The following PDE1A variants were observed in gnomAD, a reference collection of about 807,000 sequenced individuals.
The protein encoded by PDE1A is phosphodiesterase 1A.
In PDE1A, 35 loss-of-function variants were observed where a neutral mutation model predicts 61.7. The observed-to-expected ratio is 0.57, with a 90% CI of 0.43 to 0.75. The LOEUF is 0.75. Among genes scored for constraint, PDE1A ranks in the 30% least tolerant of loss-of-function variants. The probability of loss-of-function intolerance (pLI) is 0.00; values close to 1 mark genes in which losing one functional copy is unlikely to be tolerated. For missense variants in PDE1A, 597 were observed against 630.6 expected, an observed-to-expected ratio of 0.95 and a Z score of 0.57; for synonymous variants, 232 against 213.2, an observed-to-expected ratio of 1.09 and a Z score of -0.77.
At chr2:182,411,950 C>A (rs1245817742) in intron 1 of PDE1A, among the ~76,000 whole-genome samples, 2 of 151,472 alleles carry the variant, frequency 1.3e-5, no homozygotes, top group Admixed American at 1.3e-4. Context: ...CCCAGCTACT[C>A]GGGAGGCTGA....
At chr2:182,178,936 G>A (rs1213172712) in intron 13 of PDE1A, among the ~76,000 whole-genome samples, 1 of 152,062 alleles carries the variant, frequency 6.6e-6, no homozygotes, top group African/African-American at 2.4e-5. Flanking sequence ...AGAGGCCAGA[G>A]GTCAAGCAAG....
chr2:182,360,373 C>G (rs1032414630), intron 1 of PDE1A, among the ~76,000 whole-genome samples: 1 of 152,080 alleles, frequency 6.6e-6, no homozygotes. Context: ...CCCGTTTAAT[C>G]TAACTCAGTT....
At chr2:182,572,559 TA>T in the PDE1A span, among the ~76,000 whole-genome samples, 7 of 152,186 alleles carry the variant, frequency 4.6e-5, no homozygotes, top group Non-Finnish European at 7.3e-5. Flanking sequence ...AACCTCTTGC[TA>T]AACATTTATA....
rs1574850468 is a variant in PDE1A, at chr2:182,520,506, A to G, written c.101+1770T>C. 2.0e-5 allele frequency among the ~76,000 whole-genome samples: 3 copies of G among 152,102 alleles called. No individual in the cohort carries two copies. The South Asian group carries it at 6.2e-4, about 32-fold the overall frequency. The stretch of plus-strand genomic sequence containing the variant: ...TATATCCTTCTATCAATTCATGAAG[A>G]TCTACTGTTGGATGACTCTATCACC... On this transcript the variant is annotated intron_variant, in intron 2 of 14. Transcript: ENST00000410103.
At chr2:182,283,998 G>A (rs1693994730) in intron 1 of PDE1A, among the ~76,000 whole-genome samples, 1 of 152,056 alleles carries the variant, frequency 6.6e-6, no homozygotes, top group South Asian at 2.1e-4. Context: ...TAACAATCAA[G>A]TACATACCTT....
chr2:182,527,595 C>A (rs546702352), upstream of PDE1A, among the ~76,000 whole-genome samples: 8 of 151,036 alleles, frequency 5.3e-5, no homozygotes, highest in South Asian at 1.7e-3. Context: ...GAAGAAATTG[C>A]CCAAAATGTA....
At chr2:182,397,422 G>A (rs1309159687) in intron 1 of PDE1A, among the ~76,000 whole-genome samples, 1 of 151,978 alleles carries the variant, frequency 6.6e-6, no homozygotes, top group African/African-American at 2.4e-5. Context: ...TGATTTCAGA[G>A]ACATTACAAT....
chr2:182,157,845 T>A (rs182238519), intron 13 of PDE1A, among the ~76,000 whole-genome samples: 1 of 152,326 alleles, frequency 6.6e-6, no homozygotes, highest in African/African-American at 2.4e-5. Context: ...TTTTTCCATC[T>A]CATCTTTTAG....
At chr2:182,323,269 C>T (rs1205542623) in intron 1 of PDE1A, among the ~76,000 whole-genome samples, 1 of 152,138 alleles carries the variant, frequency 6.6e-6, no homozygotes, top group Admixed American at 6.5e-5. Flanking sequence ...ATTGTCAATG[C>T]TGTTCGATAT....
rs181408277 is a variant in PDE1A, at chr2:182,388,190, T to C, written c.53+38388A>G. Among the ~76,000 whole-genome samples, 4 of 152,244 alleles carry C rather than the reference T, an allele frequency of 2.6e-5. No homozygotes were observed. The East Asian group carries it at 7.7e-4, about 29-fold the overall frequency. On this transcript the variant is annotated intron_variant, in intron 1 of 13. Transcript: ENST00000351439. ...AGCACTTAAATATATATGAGAAATA[T>C]TAATAGATCTGAAGAGAGAGACACA... is the stretch of plus-strand genomic sequence containing the variant.
At chr2:182,271,785 A>T (rs536033597) in intron 1 of PDE1A, among the ~76,000 whole-genome samples, 2 of 152,306 alleles carry the variant, frequency 1.3e-5, no homozygotes, top group African/African-American at 4.8e-5. Context: ...TATGGTTTGC[A>T]TTAACTCCTG....
At chr2:182,558,971 A>C in the PDE1A span, among the ~76,000 whole-genome samples, 4 of 152,208 alleles carry the variant, frequency 2.6e-5, no homozygotes, top group Non-Finnish European at 4.4e-5. Flanking sequence ...TTCTTTGATC[A>C]TCGCTAATAT....
intron 3 of PDE1A, among the ~76,000 whole-genome samples, chr2:182,237,995 A>G (rs1425840389): frequency 1.3e-5 from 2 of 152,028 alleles, no homozygotes; most frequent in East Asian, 1.9e-4. Flanking sequence ...TAGGCTGGGC[A>G]CGGTGGCTCA....
intron 1 of PDE1A, among the ~76,000 whole-genome samples, chr2:182,288,778 G>T (rs1283999789): frequency 1.3e-5 from 2 of 151,954 alleles, no homozygotes; most frequent in Non-Finnish European, 2.9e-5. Flanking sequence ...CTCTGACTTT[G>T]CCACTTCATC....
At chr2:182,554,592 T>C in the PDE1A span, among the ~76,000 whole-genome samples, 1 of 152,198 alleles carries the variant, frequency 6.6e-6, no homozygotes. Flanking sequence ...GTGTGAACTT[T>C]GGCGAGTTAG....
chr2:182,316,050 T>A (rs1005904848), intron 1 of PDE1A, among the ~76,000 whole-genome samples: 1 of 152,192 alleles, frequency 6.6e-6, no homozygotes, highest in African/African-American at 2.4e-5. Flanking sequence ...GACATCCTGG[T>A]GTCTCTGAGC....
At chr2:182,420,402 CTGACA>C (rs1216391586) in intron 1 of PDE1A, among the ~76,000 whole-genome samples, 1 of 152,140 alleles carries the variant, frequency 6.6e-6, no homozygotes, top group African/African-American at 2.4e-5. Flanking sequence ...TCAGTTGGAA[CTGACA>C]TAACTGCCAC....
At chr2:182,701,236 C>A in the PDE1A span, among the ~76,000 whole-genome samples, 1 of 151,866 alleles carries the variant, frequency 6.6e-6, no homozygotes, top group Non-Finnish European at 1.5e-5. Flanking sequence ...GGGGTTTCAC[C>A]GTGTTAGCCA....
At chr2:182,149,499 A>G (rs1690666142) in intron 13 of PDE1A, among the ~76,000 whole-genome samples, 1 of 152,222 alleles carries the variant, frequency 6.6e-6, no homozygotes, top group Non-Finnish European at 1.5e-5. Flanking sequence ...TTCCTTGAAA[A>G]CTAAAATTCC....
Sources: gnomAD v4.1 joint callset for allele counts (sites outside exome capture counted in the v4.1 genomes callset) on GRCh38, gnomAD v4.1.1 for gene constraint, MANE v1.5 for transcripts, NCBI Gene and HGNC (gene_info 2026-07-23, HGNC 2026-07-21) for gene names.